Variants in GALNT13 observed in about 807,000 individuals in gnomAD.
GALNT13 encodes the protein polypeptide N-acetylgalactosaminyltransferase 13.
A neutral mutation model predicts 64.2 loss-of-function variants in GALNT13; 28 were observed. That is an observed-to-expected ratio of 0.44 (90% CI 0.32 to 0.60). The LOEUF (loss-of-function observed/expected upper bound fraction) is 0.60, where lower values mean the gene tolerates loss of function less well. Ranked by LOEUF, GALNT13 falls within the 20% of genes least tolerant of loss-of-function variation. The probability of loss-of-function intolerance (pLI) is 0.05; values close to 1 mark genes in which losing one functional copy is unlikely to be tolerated. For synonymous variants in GALNT13, 214 were observed against 224.6 expected, an observed-to-expected ratio of 0.95 and a Z score of 0.42; for missense variants, 577 against 669.8, an observed-to-expected ratio of 0.86 and a Z score of 1.53.
intron 2 of GALNT13, among the ~76,000 whole-genome samples, chr2:153,922,709 C>G (rs1408362243): frequency 2.6e-5 from 4 of 152,042 alleles, no homozygotes; most frequent in Non-Finnish European, 4.4e-5. Flanking sequence ...ATGTTTCGCA[C>G]AGCTAACTTC....
chr2:153,262,469 C>A, the GALNT13 span, among the ~76,000 whole-genome samples: 1 of 152,116 alleles, frequency 6.6e-6, no homozygotes, highest in East Asian at 1.9e-4. Flanking sequence ...CATCCTGATA[C>A]CAAAAACCTG....
chr2:153,584,606 GCTA>G, the GALNT13 span, among the ~76,000 whole-genome samples: 1 of 152,188 alleles, frequency 6.6e-6, no homozygotes, highest in Non-Finnish European at 1.5e-5. Context: ...TTGGTATACT[GCTA>G]CTACAACTGG....
intron 4 of GALNT13, among the ~76,000 whole-genome samples, chr2:154,228,616 A>G (rs1250179482): frequency 6.6e-6 from 1 of 152,208 alleles, no homozygotes; most frequent in Non-Finnish European, 1.5e-5. Flanking sequence ...AGAAGGCTTT[A>G]ATTGGGTGTT....
chr2:153,655,954 G>T, the GALNT13 span, among the ~76,000 whole-genome samples: 1 of 151,952 alleles, frequency 6.6e-6, no homozygotes, highest in Non-Finnish European at 1.5e-5. Context: ...CCTTTAATAG[G>T]TATAATGTCT....
the GALNT13 span, among the ~76,000 whole-genome samples, chr2:153,115,974 G>A: frequency 6.6e-6 from 1 of 152,146 alleles, no homozygotes; most frequent in East Asian, 1.9e-4. Context: ...TTGGCCAGTG[G>A]TATTTTTTTA....
intron 6 of GALNT13, 46 bp from the exon 7 acceptor site, chr2:154,245,766 A>G (rs538861112): frequency 3.1e-6 from 4 of 1,297,136 alleles, no homozygotes; most frequent in African/African-American, 1.5e-5. Flanking sequence ...ATAATGTAAC[A>G]TTTTAATTAT....
At chr2:153,878,665 A>G (rs1686562302) in intron 1 of GALNT13, among the ~76,000 whole-genome samples, 1 of 152,198 alleles carries the variant, frequency 6.6e-6, no homozygotes, top group Non-Finnish European at 1.5e-5. Context: ...TTGGGCAATG[A>G]CAAAAAGAGC....
chr2:153,100,071 A>G, the GALNT13 span, among the ~76,000 whole-genome samples: 1 of 152,366 alleles, frequency 6.6e-6, no homozygotes, highest in African/African-American at 2.4e-5. Context: ...AATGTAAACA[A>G]TAAGTTGAAA....
chr2:153,477,589 T>G, the GALNT13 span: 1 of 92,588 alleles, frequency 1.1e-5, no homozygotes, highest in Non-Finnish European at 2.2e-5. Context: ...CCCCACCCCT[T>G]CTCCCACAAT....
chr2:154,323,119 T>G (rs959246664), intron 9 of GALNT13, among the ~76,000 whole-genome samples: 4 of 151,716 alleles, frequency 2.6e-5, no homozygotes, highest in African/African-American at 9.7e-5. Context: ...AGATGGATTA[T>G]AAACGCCATG....
chr2:154,066,023 G>T (rs796286506), intron 3 of GALNT13, among the ~76,000 whole-genome samples: 6 of 152,122 alleles, frequency 3.9e-5, no homozygotes, highest in Non-Finnish European at 7.4e-5. Context: ...AATTTAACAA[G>T]GAGATTGAAA....
chr2:154,381,441 CA>C (rs1247427704), intron 9 of GALNT13, among the ~76,000 whole-genome samples: 1 of 152,072 alleles, frequency 6.6e-6, no homozygotes, highest in Non-Finnish European at 1.5e-5. Flanking sequence ...GTACATCTCT[CA>C]AATACACTTG....
the GALNT13 span, among the ~76,000 whole-genome samples, chr2:153,074,554 A>G: frequency 1.1e-4 from 16 of 152,286 alleles, no homozygotes; most frequent in African/African-American, 3.8e-4. Context: ...ATGGTACTTT[A>G]CTGAATACAA....
the GALNT13 span, among the ~76,000 whole-genome samples, chr2:153,361,401 G>T: frequency 4.0e-4 from 61 of 152,078 alleles, no homozygotes; most frequent in African/African-American, 1.4e-3. Flanking sequence ...TTCAGAAGGT[G>T]GGTAATAAAT....
At chr2:153,393,212 C>A in the GALNT13 span, among the ~76,000 whole-genome samples, 1 of 151,952 alleles carries the variant, frequency 6.6e-6, no homozygotes, top group Non-Finnish European at 1.5e-5. Flanking sequence ...CTCATTAGAC[C>A]AATCGACTAA....
the GALNT13 span, among the ~76,000 whole-genome samples, chr2:153,795,558 A>G: frequency 6.6e-6 from 1 of 151,694 alleles, no homozygotes; most frequent in South Asian, 2.1e-4. Flanking sequence ...TAGCTTTTGG[A>G]GGGAAAAATG....
At chr2:153,588,048 A>G in the GALNT13 span, among the ~76,000 whole-genome samples, 3 of 152,230 alleles carry the variant, frequency 2.0e-5, no homozygotes. Context: ...CTTTGACTCC[A>G]TGTCTCACAT....
At chr2:154,212,464 G>A (rs1284815429) in intron 4 of GALNT13, among the ~76,000 whole-genome samples, 17 of 152,050 alleles carry the variant, frequency 1.1e-4, no homozygotes, top group Admixed American at 9.2e-4. Context: ...GGCTGGTCTC[G>A]AACTCCTGAC....
the GALNT13 span, among the ~76,000 whole-genome samples, chr2:153,450,327 T>A: frequency 6.6e-6 from 1 of 152,174 alleles, no homozygotes; most frequent in East Asian, 1.9e-4. Flanking sequence ...ATATTTCTTT[T>A]TTCCTCCCCA....
Sources: allele counts gnomAD v4.1 joint callset (sites outside exome capture counted in the v4.1 genomes callset), GRCh38; gene constraint gnomAD v4.1.1; transcripts MANE v1.5; gene names NCBI Gene and HGNC (gene_info 2026-07-23, HGNC 2026-07-21).